The following ZNF423 variants were observed in gnomAD, a reference collection of about 807,000 sequenced individuals.
The protein encoded by ZNF423 is Ebf-associated zinc finger protein.
Under a neutral mutation model 95.8 loss-of-function variants are expected in ZNF423, and 12 were observed. The ratio of observed to expected loss-of-function variants is 0.13; its 90% CI spans 0.08 to 0.20. The LOEUF (loss-of-function observed/expected upper bound fraction) is 0.20, where lower values mean the gene tolerates loss of function less well. Ranked by LOEUF, ZNF423 falls within the 10% of genes least tolerant of loss-of-function variation. The pLI, the probability that ZNF423 is intolerant of heterozygous loss-of-function variation, is 1.00. For missense variants in ZNF423, 1,316 were observed against 1,737.1 expected, an observed-to-expected ratio of 0.76 and a Z score of 4.31; for synonymous variants, 749 against 711.9, an observed-to-expected ratio of 1.05 and a Z score of -0.83.
chr16:49,815,655 G>A (rs1266686477), intron 1 of ZNF423, among the ~76,000 whole-genome samples: 1 of 151,736 alleles, frequency 6.6e-6, no homozygotes, highest in Non-Finnish European at 1.5e-5. Context: ...GGGCCAGCCA[G>A]GTAACATTAA....
At chr16:49,730,234 C>G (rs1331927914) in intron 3 of ZNF423, among the ~76,000 whole-genome samples, 1 of 152,150 alleles carries the variant, frequency 6.6e-6, no homozygotes, top group African/African-American at 2.4e-5. Flanking sequence ...GAACAGAGCT[C>G]CAGTCAAATC....
rs534146414 is a variant in ZNF423 at position 49,848,525 on chromosome 16, C to T, written c.40+7210G>A. ...ATAACCCAGGCCTCTGTCTCTCTCC[C>T]GGCCCCTGGTCCCTGCTCCAAAGGT... On this transcript the variant is annotated intron_variant, in intron 1 of 7. Coordinates refer to ENST00000563137, the MANE Select transcript of ZNF423 (RefSeq NM_001379286.1). Among the ~76,000 whole-genome samples, 21 of 152,302 alleles carry T rather than the reference C, an allele frequency of 1.4e-4. 1 individual carries two copies. The highest frequency in any genetic ancestry group is 4.6e-4 in the African/African-American group (19 of 41,564).
intron 3 of ZNF423, among the ~76,000 whole-genome samples, chr16:49,723,593 C>T (rs554517846): frequency 1.6e-4 from 24 of 152,276 alleles, no homozygotes; most frequent in Non-Finnish European, 2.8e-4. Context: ...GGTTTTATGG[C>T]TTCTGACACT....
chr16:49,580,768 T>A (rs1350623982), intron 5 of ZNF423, among the ~76,000 whole-genome samples: 1 of 151,968 alleles, frequency 6.6e-6, no homozygotes, highest in African/African-American at 2.4e-5. Flanking sequence ...GTAGAAAAGT[T>A]TCACTTTCAT....
chr16:49,537,339 C>T (rs1197262644), intron 5 of ZNF423, among the ~76,000 whole-genome samples: 1 of 152,132 alleles, frequency 6.6e-6, no homozygotes, highest in African/African-American at 2.4e-5. Flanking sequence ...TGTGGCTCAT[C>T]GAGGAAATAA....
In ZNF423 at chr16:49,491,273, C is replaced by G; in HGVS notation, c.*2G>C. The stretch of plus-strand genomic sequence containing the variant: ...CGGAGAGGTGTCCTGTTGAGCGATC[C>G]CTCACTGTGCGTGCTGGCTCATCGT... On this transcript the variant is annotated 3_prime_UTR_variant, in exon 8 of 8. Coordinates refer to ENST00000563137, the MANE Select transcript of ZNF423 (RefSeq NM_001379286.1). The G allele has an allele frequency of 6.2e-7, 1 of 1,614,078 alleles. No individual in the cohort carries two copies. The highest frequency in any genetic ancestry group is 8.5e-7 in the Non-Finnish European group (1 of 1,180,034).
chr16:49,567,931 C>T (rs1322744120), intron 5 of ZNF423, among the ~76,000 whole-genome samples: 1 of 152,132 alleles, frequency 6.6e-6, no homozygotes, highest in Non-Finnish European at 1.5e-5. Context: ...TTTTTATTCC[C>T]GCCAGCATCC....
intron 3 of ZNF423, among the ~76,000 whole-genome samples, chr16:49,726,727 C>A (rs117124898): frequency 0.024 from 3,608 of 152,108 alleles, 65 homozygotes; most frequent in Admixed American, 0.04. Context: ...CCTATCTACA[C>A]TGTGGCAAAA....
intron 5 of ZNF423, among the ~76,000 whole-genome samples, chr16:49,542,440 C>T (rs1047499180): frequency 1.3e-5 from 2 of 152,244 alleles, no homozygotes; most frequent in Admixed American, 1.3e-4. Context: ...ACCTGCTGGG[C>T]TGGTCCCTAT....
At chr16:49,503,101 T>C (rs943425052) in intron 7 of ZNF423, among the ~76,000 whole-genome samples, 3 of 151,372 alleles carry the variant, frequency 2.0e-5, no homozygotes, top group Non-Finnish European at 4.4e-5. Flanking sequence ...GTCCTGACAC[T>C]AACCATGTAG....
At position 49,656,137 on chromosome 16, in the gene ZNF423, G is replaced by A. The variant is rs149397786; in HGVS notation, c.302-17263C>T. The stretch of plus-strand genomic sequence containing the variant: ...CACGTTGGGGCAGTGTAGGTGAGAC[G>A]GAGGACTGAATGCAGCTGGTTTATG... On this transcript the variant is annotated intron_variant, in intron 3 of 7. Transcript: ENST00000563137. 6.4e-3 allele frequency among the ~76,000 whole-genome samples: 968 copies of A among 152,208 alleles called. 8 individuals are homozygous for A. Among genetic ancestry groups the A allele is most frequent in the African/African-American group, 0.022 (917 of 41,518 alleles).
intron 1 of ZNF423, among the ~76,000 whole-genome samples, chr16:49,805,344 A>T (rs1259073167): frequency 1.3e-5 from 2 of 152,234 alleles, no homozygotes; most frequent in African/African-American, 4.8e-5. Context: ...TTCACACGTT[A>T]CCACGTTCAT....
intron 3 of ZNF423, among the ~76,000 whole-genome samples, chr16:49,677,310 A>AGAGAAGAGAAGAGAAGAGAAGAGAG (rs1567284136): frequency 1.3e-5 from 1 of 75,498 alleles, no homozygotes. Context: ...AGAGAAGAGA[A>AGAGAAGAGAAGAGAAGAGAAGAGAG]AGGAGGGGAA....
intron 2 of ZNF423, 68 bp downstream of exon 2, chr16:49,789,419 G>A (rs2034373129): frequency 6.7e-7 from 1 of 1,499,106 alleles, no homozygotes; most frequent in Non-Finnish European, 9.1e-7. Flanking sequence ...CAGCTGGGTG[G>A]CTTTCTGAGT....
intron 5 of ZNF423, among the ~76,000 whole-genome samples, chr16:49,583,337 G>A (rs996901938): frequency 6.6e-6 from 1 of 152,154 alleles, no homozygotes; most frequent in Non-Finnish European, 1.5e-5. Context: ...TCCAGATAAA[G>A]CTGCCATTTG....
intron 7 of ZNF423, among the ~76,000 whole-genome samples, chr16:49,501,199 T>C (rs763470124): frequency 7.2e-5 from 11 of 152,276 alleles, no homozygotes; most frequent in African/African-American, 1.4e-4. Flanking sequence ...GTTCACACCA[T>C]GGACAAGTGC....
At position 49,534,207 on chromosome 16, in the gene ZNF423, A is replaced by C. The variant is rs144676053; in HGVS notation, c.3602-8713T>G. On this transcript the variant is annotated intron_variant, in intron 5 of 7. Coordinates refer to ENST00000563137, the MANE Select transcript of ZNF423 (RefSeq NM_001379286.1). ...GAATACTGATCATAATGCTACCACC[A>C]CAACTATTACTGCTATTGTTACTTC... 1.1e-4 allele frequency among the ~76,000 whole-genome samples: 16 copies of C among 152,052 alleles called. No homozygotes were observed. In the East Asian group the frequency reaches 3.1e-3, roughly 29 times the overall value.
intron 7 of ZNF423, among the ~76,000 whole-genome samples, chr16:49,494,067 G>C (rs1156771375): frequency 6.6e-6 from 1 of 152,204 alleles, no homozygotes; most frequent in Non-Finnish European, 1.5e-5. Context: ...CCAAGAACAG[G>C]CTCAGTGTGA....
At chr16:49,604,710 A>G (rs1288506979) in intron 5 of ZNF423, among the ~76,000 whole-genome samples, 2 of 151,914 alleles carry the variant, frequency 1.3e-5, no homozygotes, top group Non-Finnish European at 2.9e-5. Flanking sequence ...TGGTCATGCA[A>G]CCTGAGATCC....
Sources: gnomAD v4.1 joint callset for allele counts (sites outside exome capture counted in the v4.1 genomes callset) on GRCh38, gnomAD v4.1.1 for gene constraint, MANE v1.5 for transcripts, NCBI Gene and HGNC (gene_info 2026-07-23, HGNC 2026-07-21) for gene names.